The following LNX1 variants were observed in gnomAD, a reference collection of about 807,000 sequenced individuals.
The protein encoded by LNX1 is E3 ubiquitin-protein ligase LNX.
Under a neutral mutation model 68.4 loss-of-function variants are expected in LNX1, and 54 were observed. The observed-to-expected ratio is 0.79, with a 90% confidence interval of 0.63 to 0.99. The LOEUF (loss-of-function observed/expected upper bound fraction) is 0.99. LNX1 is among the 50% of genes least tolerant of loss of function. LNX1 has a pLI of 0.00. For missense variants in LNX1, 906 were observed against 926.4 expected (o/e 0.98, Z 0.29); for synonymous variants, 336 against 350.0 (o/e 0.96, Z 0.45).
In LNX1 at chr4:53,508,171, T is replaced by C. The variant is rs1438293150; in HGVS notation, c.437A>G (p.Asp146Gly). 1.9e-6 allele frequency: 3 copies of C among 1,614,032 alleles called. No individual in the cohort carries two copies. The highest frequency in any genetic ancestry group is 2.7e-5 in the African/African-American group (2 of 74,922). ...LTKDRKRRSQ[D>G]GCPDGCASLT... ...GCTCGCACAGCCGTCTGGACAGCCA[T>C]CTTGTGAGCGCCTCTTCCTATCTTT... Residue 146 changes from aspartate (D) to glycine (G), a missense_variant, in exon 3 of 11, where the codon GAT (aspartate) becomes GGT (glycine). Transcript: ENST00000263925.
chr4:53,468,410 G>A (rs1332846408), intron 9 of LNX1, among the ~76,000 whole-genome samples: 3 of 152,122 alleles, frequency 2.0e-5, no homozygotes, highest in Non-Finnish European at 4.4e-5. Context: ...AAAGACCATC[G>A]AGGCTAAGAA....
chr4:53,527,044 C>G (rs1727658732), intron 2 of LNX1, among the ~76,000 whole-genome samples: 1 of 108,578 alleles, frequency 9.2e-6, no homozygotes, highest in Admixed American at 1.1e-4. Context: ...AGACTCTTCC[C>G]TGCCCCTAAA....
chr4:53,542,877 C>G (rs1269422263), intron 2 of LNX1, among the ~76,000 whole-genome samples: 1 of 152,150 alleles, frequency 6.6e-6, no homozygotes, highest in African/African-American at 2.4e-5. Context: ...AGGGGGAAAG[C>G]AAGTGGAAGT....
At chr4:53,611,106 G>A (rs915719563) in intron 2 of LNX1, among the ~76,000 whole-genome samples, 2 of 151,866 alleles carry the variant, frequency 1.3e-5, no homozygotes, top group African/African-American at 4.8e-5. Context: ...AAAACCCAAA[G>A]GAATCTAATA....
intron 2 of LNX1, chr4:53,549,274 A>G (rs1262217032): frequency 6.6e-6 from 1 of 152,176 alleles, no homozygotes; most frequent in East Asian, 1.9e-4. Flanking sequence ...TTCAATGCTC[A>G]ATGTTTTGGA....
At chr4:53,572,039 T>C (rs1292584909) in intron 2 of LNX1, among the ~76,000 whole-genome samples, 2 of 152,158 alleles carry the variant, frequency 1.3e-5, no homozygotes, top group Non-Finnish European at 2.9e-5. Flanking sequence ...CCAGCACAAA[T>C]GTATAATTGC....
At chr4:53,557,862 G>C (rs2109728405) in intron 2 of LNX1, 1 of 1,613,088 alleles carries the variant, frequency 6.2e-7, no homozygotes, top group South Asian at 1.1e-5. Flanking sequence ...CACGGACAGA[G>C]AGGGGACTCA....
chr4:53,625,488 G>A (rs1734037644), intron 1 of LNX1, among the ~76,000 whole-genome samples: 1 of 152,064 alleles, frequency 6.6e-6, no homozygotes, highest in African/African-American at 2.4e-5. Flanking sequence ...TTAATAATTT[G>A]GGAAATGTAG....
At position 53,496,236 on chromosome 4, in the gene LNX1, G is replaced by A. The variant is rs1288458130; in HGVS notation, c.1137C>T (p.Ser379=). The A allele has an allele frequency of 1.2e-6, 2 of 1,614,130 alleles. No individual in the cohort carries two copies. Among genetic ancestry groups the A allele is most frequent in the East Asian group, 2.2e-5 (1 of 44,878 alleles). ...TACTTTTGTTGAGAATCACATGAAA[G>A]CTGTCATCTCGGGGTCTGTAGGCAT... ...APDAYRPRDD[S]FHVILNKSSP... is the part of the protein sequence containing the mutation. The change falls in exon 6 of 11, where the codon AGC becomes AGT. Residue 379 remains serine, a synonymous_variant. Transcript: ENST00000263925.
At chr4:53,505,854 A>G (rs1725834357) in intron 4 of LNX1, among the ~76,000 whole-genome samples, 10 of 152,196 alleles carry the variant, frequency 6.6e-5, no homozygotes, top group Admixed American at 6.5e-4. Flanking sequence ...AATCTGGAAG[A>G]AGGAACGTGA....
At chr4:53,531,587 C>A (rs1432105789) in intron 2 of LNX1, among the ~76,000 whole-genome samples, 6 of 152,182 alleles carry the variant, frequency 3.9e-5, no homozygotes, top group Non-Finnish European at 5.9e-5. Flanking sequence ...GTTTTAAGTT[C>A]TTCCTGCTCT....
intron 9 of LNX1, among the ~76,000 whole-genome samples, chr4:53,462,194 C>G (rs1380760665): frequency 6.6e-6 from 1 of 151,966 alleles, no homozygotes; most frequent in Non-Finnish European, 1.5e-5. Context: ...GGAGGAAAAA[C>G]AAACTGCAGG....
chr4:53,526,936 G>C (rs28477259), intron 2 of LNX1, among the ~76,000 whole-genome samples: 25,972 of 150,882 alleles, frequency 0.17, 2,380 homozygotes, highest in East Asian at 0.26. Context: ...CTTTGTAAGA[G>C]ACACAATCAT....
chr4:53,531,288 G>T (rs1416465180), intron 2 of LNX1, among the ~76,000 whole-genome samples: 1 of 152,186 alleles, frequency 6.6e-6, no homozygotes, highest in African/African-American at 2.4e-5. Context: ...GCAGAAAACT[G>T]GGTCAGAAAA....
intron 1 of LNX1, among the ~76,000 whole-genome samples, chr4:53,644,097 TA>T (rs933243572): frequency 2.6e-5 from 4 of 151,914 alleles, no homozygotes; most frequent in South Asian, 2.1e-4. Context: ...ATTCTAGTGA[TA>T]AAAAAAAGTA....
rs1429757059 is a variant in LNX1 at position 53,469,858 on chromosome 4, T to C, written c.1892+6895A>G. 2.0e-5 allele frequency among the ~76,000 whole-genome samples: 3 copies of C among 152,054 alleles called. 1 individual carries two copies. Among genetic ancestry groups the C allele is most frequent in the African/African-American group, 7.2e-5 (3 of 41,478 alleles). On this transcript the variant is annotated intron_variant, in intron 9 of 10. Coordinates refer to ENST00000263925, the MANE Select transcript of LNX1 (RefSeq NM_001126328.3). Reference sequence around the variant, plus strand: ...ATTGAGGCAATAATTAATAGCTTACTAACCAAAAAAAGTCCAGGACCAGAT... The same window carrying C: ...ATTGAGGCAATAATTAATAGCTTACCAACCAAAAAAAGTCCAGGACCAGAT...
rs745685512 is a variant in LNX1 at position 53,496,172 on chromosome 4, C to T, written c.1201G>A (p.Val401Met). 1.1e-5 allele frequency: 18 copies of T among 1,614,056 alleles called. No individual in the cohort carries two copies. The African/African-American group carries it at 1.5e-4, about 13-fold the overall frequency. Residue 401 changes from valine to methionine, a missense_variant, in exon 6 of 11, where the codon GTG (valine) becomes ATG (methionine). Coordinates refer to ENST00000263925, the MANE Select transcript of LNX1 (RefSeq NM_001126328.3). The part of the protein sequence containing the change: ...EQLGIKLVRK[V>M]DEPGVFIFNV... ...AAGATGAAAACCCCAGGCTCATCCACCTTGCGCACCAGTTTTATTCCAAGC... is the reference window on the plus strand; with the variant it reads ...AAGATGAAAACCCCAGGCTCATCCATCTTGCGCACCAGTTTTATTCCAAGC...
At chr4:53,567,681 C>A (rs1360057070) in intron 2 of LNX1, among the ~76,000 whole-genome samples, 1 of 151,988 alleles carries the variant, frequency 6.6e-6, no homozygotes, top group African/African-American at 2.4e-5. Flanking sequence ...CACAAAAAAC[C>A]CTTCAAAAAA....
intron 1 of LNX1, among the ~76,000 whole-genome samples, chr4:53,581,668 CT>C (rs1438223457): frequency 1.3e-5 from 2 of 152,176 alleles, no homozygotes; most frequent in Non-Finnish European, 1.5e-5. Flanking sequence ...GACTTACTCA[CT>C]ATCGCAAGAA....
Sources: allele counts gnomAD v4.1 joint callset (sites outside exome capture counted in the v4.1 genomes callset), GRCh38; gene constraint gnomAD v4.1.1; transcripts MANE v1.5; gene names NCBI Gene and HGNC (gene_info 2026-07-23, HGNC 2026-07-21).